ACSL4: variants seen among roughly 807,000 people sequenced by gnomAD.
The protein encoded by ACSL4 is acyl-CoA synthetase long chain family member 4, also known as long-chain-fatty-acid--CoA ligase 4.
In ACSL4, 9 loss-of-function variants were observed where a neutral mutation model predicts 49.1. The observed-to-expected ratio is 0.18, with a 90% CI of 0.11 to 0.32. ACSL4 has a LOEUF of 0.32. Among genes scored for constraint, ACSL4 ranks in the 10% least tolerant of loss-of-function variants. The pLI is 1.00. For synonymous variants in ACSL4, 191 were observed against 170.3 expected (o/e 1.12, Z -0.95); for missense variants, 333 against 493.7 (o/e 0.67, Z 3.08).
chrX:109,726,429 C>T (rs1326595386), intron 1 of ACSL4, among the ~76,000 whole-genome samples: 6 of 111,895 alleles, frequency 5.4e-5, no homozygotes, highest in African/African-American at 1.6e-4. Context: ...ATCTCAAAAA[C>T]AAACAAACCA....
In ACSL4 at chrX:109,644,297, T is replaced by C. The variant is rs1934544078; in HGVS notation, c.1856-111A>G. On this transcript the variant is annotated intron_variant, in intron 15 of 15. Coordinates refer to ENST00000672401, the MANE Select transcript of ACSL4 (RefSeq NM_001318510.2). ...AGAAGCAATTAATAAAATATGAGTT[T>C]TTCAGGATTTACCTAGATGATTCGG... is the stretch of plus-strand genomic sequence containing the variant. The C allele has an allele frequency of 7.1e-6, 5 of 706,471 alleles. No individual in the cohort carries two copies. In the South Asian group the frequency reaches 1.4e-4, roughly 20 times the overall value. 58.2% of individuals were successfully genotyped at this position (706,471 alleles called of 1,213,427 possible). A position where few individuals can be genotyped will look rare whatever the true frequency, so the allele number is the denominator to read the frequency against.
chrX:109,669,617 A>T (rs113031988), intron 9 of ACSL4, among the ~76,000 whole-genome samples: 2,951 of 111,107 alleles, frequency 0.027, 87 homozygotes, highest in African/African-American at 0.089. Flanking sequence ...CTGGTGTCGA[A>T]CTCCTGACTT....
intron 15 of ACSL4, among the ~76,000 whole-genome samples, chrX:109,657,685 C>T (rs980137581): frequency 1.8e-5 from 2 of 111,594 alleles, no homozygotes; most frequent in Non-Finnish European, 3.8e-5. Flanking sequence ...CATATGTGTG[C>T]ATGTGTCTTT....
At chrX:109,646,837 CA>C (rs1333331150) in intron 15 of ACSL4, among the ~76,000 whole-genome samples, 1 of 110,063 alleles carries the variant, frequency 9.1e-6, no homozygotes. Context: ...ATCTACCAAG[CA>C]AATGGAAAAC....
chrX:109,665,814 T>C (rs1326555042), intron 11 of ACSL4, among the ~76,000 whole-genome samples: 1 of 111,990 alleles, frequency 8.9e-6, no homozygotes, highest in Non-Finnish European at 1.9e-5. Context: ...TACCACTCAT[T>C]GGCTATGTAA....
chrX:109,728,626 A>G (rs886825328), intron 1 of ACSL4, among the ~76,000 whole-genome samples: 2 of 112,645 alleles, frequency 1.8e-5, no homozygotes, highest in African/African-American at 6.4e-5. Context: ...CATTAAGGCC[A>G]CTTGTTCACA....
intron 13 of ACSL4, 22 bp from the exon 14 acceptor site, chrX:109,661,667 T>C (rs757488198): frequency 2.9e-6 from 3 of 1,050,061 alleles, no homozygotes; most frequent in South Asian, 3.8e-5. Flanking sequence ...TAAAGAATGT[T>C]AAGTCTGTTT....
chrX:109,645,655 G>C (rs1224870243), intron 15 of ACSL4, among the ~76,000 whole-genome samples: 1 of 112,426 alleles, frequency 8.9e-6, no homozygotes, highest in East Asian at 2.8e-4. Context: ...ACCAGCAACG[G>C]AACAAAGCTG....
chrX:109,668,930 G>T, intron 10 of ACSL4, 104 bp downstream of exon 10: 1 of 660,410 alleles, frequency 1.5e-6, no homozygotes, highest in East Asian at 3.4e-5. Flanking sequence ...TCATGGTGGT[G>T]ATATTCAAAT....
Position 109,663,269 on chromosome X carries a change from C to T in ACSL4, c.1524G>A (p.Arg508=). Residue 508 remains arginine, a synonymous_variant, in exon 13 of 16, where the codon AGG becomes AGA. Coordinates refer to ENST00000672401, the MANE Select transcript of ACSL4 (RefSeq NM_001318510.2). ...CTCCAATATCACCAGTGCAAAACCA[C>T]CTTTGTCCATTTTCATCCACAGAAT... ...EDYSVDENGQ[R]WFCTGDIGEF... 1 of 1,209,857 alleles carries T rather than the reference C, an allele frequency of 8.3e-7. No individual in the cohort carries two copies. Among genetic ancestry groups the T allele is most frequent in the Non-Finnish European group, 1.1e-6 (1 of 893,933 alleles).
At chrX:109,670,325 G>A (rs868363281) in intron 9 of ACSL4, among the ~76,000 whole-genome samples, 1 of 110,610 alleles carries the variant, frequency 9.0e-6, no homozygotes, top group Non-Finnish European at 1.9e-5. Flanking sequence ...AGTGGCTCAC[G>A]CCTGTAATTC....
At chrX:109,657,156 T>C (rs190192796) in intron 15 of ACSL4, among the ~76,000 whole-genome samples, 3 of 112,005 alleles carry the variant, frequency 2.7e-5, no homozygotes, top group East Asian at 2.8e-4. Flanking sequence ...CCAATAAGAT[T>C]TGGACTACAC....
chrX:109,647,336 G>A (rs1234324235), intron 15 of ACSL4, among the ~76,000 whole-genome samples: 2 of 112,012 alleles, frequency 1.8e-5, no homozygotes, highest in Non-Finnish European at 3.8e-5. Context: ...TCAGACCACA[G>A]TGCAATCAAA....
intron 1 of ACSL4, among the ~76,000 whole-genome samples, chrX:109,721,132 T>C (rs923801350): frequency 8.9e-6 from 1 of 112,320 alleles, no homozygotes; most frequent in Non-Finnish European, 1.9e-5. Flanking sequence ...GTGGTATTAG[T>C]GCTAGTTCTT....
intron 1 of ACSL4, among the ~76,000 whole-genome samples, chrX:109,717,286 G>A (rs758724391): frequency 9.1e-6 from 1 of 110,434 alleles, no homozygotes; most frequent in Non-Finnish European, 1.9e-5. Context: ...CCTAAGGTCA[G>A]TAGTTCAAGA....
intron 7 of ACSL4, 49 bp from the exon 8 acceptor site, chrX:109,678,160 G>T (rs1173173205): frequency 8.3e-7 from 1 of 1,205,832 alleles, no homozygotes; most frequent in Non-Finnish European, 1.1e-6. Flanking sequence ...AAAGGCATTT[G>T]AAGTTAGAAA....
At chrX:109,695,326 C>CA (rs1392355058) in intron 2 of ACSL4, among the ~76,000 whole-genome samples, 1 of 102,292 alleles carries the variant, frequency 9.8e-6, no homozygotes, top group South Asian at 4.7e-4. Context: ...GTCTGGGTGA[C>CA]AGAGCAAGAC....
At chrX:109,647,319 C>G (rs1452915583) in intron 15 of ACSL4, among the ~76,000 whole-genome samples, 1 of 112,008 alleles carries the variant, frequency 8.9e-6, no homozygotes, top group African/African-American at 3.2e-5. Context: ...TTATAACAAA[C>G]TGTCTCTCAG....
rs745964084 is a variant in ACSL4, at chrX:109,709,130, T to C, written c.-65-12934A>G. Among the ~76,000 whole-genome samples the C allele has an allele frequency of 9.8e-5, 11 of 112,058 alleles. No individual in the cohort carries two copies. The South Asian group carries it at 3.7e-3, about 38-fold the overall frequency. ...CCCCATAATGAAAATGTTTTTCAAC[T>C]GACCAGAATCAGTCCCCTACAGGAA... On this transcript the variant is annotated intron_variant, in intron 1 of 15. Coordinates refer to ENST00000672401, the MANE Select transcript of ACSL4 (RefSeq NM_001318510.2).
Sources: gnomAD v4.1 joint callset for allele counts (sites outside exome capture counted in the v4.1 genomes callset) on GRCh38, gnomAD v4.1.1 for gene constraint, MANE v1.5 for transcripts, NCBI Gene and HGNC (gene_info 2026-07-23, HGNC 2026-07-21) for gene names.